Variants in DAB1 observed in about 807,000 individuals in gnomAD.
The protein encoded by DAB1 is DAB adaptor protein 1, also known as disabled homolog 1.
A neutral mutation model predicts 64.6 loss-of-function variants in DAB1; 15 were observed. The ratio of observed to expected loss-of-function variants is 0.23; its 90% CI spans 0.16 to 0.36. The LOEUF (loss-of-function observed/expected upper bound fraction) is 0.36. DAB1 is among the 10% of genes least tolerant of loss of function. The pLI is 1.00. For missense variants in DAB1, 596 were observed against 706.7 expected (o/e 0.84, Z 1.78); for synonymous variants, 235 against 251.9 (o/e 0.93, Z 0.64).
At chr1:57,087,436 T>A (rs905697680) in intron 4 of DAB1, among the ~76,000 whole-genome samples, 26 of 152,194 alleles carry the variant, frequency 1.7e-4, no homozygotes, top group Admixed American at 1.4e-3. Context: ...AGAAGTACAC[T>A]GTAAGGCACA....
At chr1:57,189,775 C>A (rs1248874907) in intron 2 of DAB1, among the ~76,000 whole-genome samples, 1 of 151,788 alleles carries the variant, frequency 6.6e-6, no homozygotes, top group African/African-American at 2.4e-5. Flanking sequence ...GGCAGGCTTG[C>A]CCCAAACTCG....
intron 4 of DAB1, among the ~76,000 whole-genome samples, chr1:58,167,416 A>G (rs1655908904): frequency 6.6e-6 from 1 of 152,056 alleles, no homozygotes; most frequent in East Asian, 1.9e-4. Context: ...TAAATGCACC[A>G]ATCAGCACTC....
At chr1:57,106,448 G>T (rs473562) in intron 4 of DAB1, among the ~76,000 whole-genome samples, 80,560 of 151,886 alleles carry the variant, frequency 0.53, 21,809 homozygotes, top group Middle Eastern at 0.73. Context: ...GGGGTGCACA[G>T]CTCTTTTATA....
At chr1:57,641,906 G>A (rs991573638) in intron 7 of DAB1, among the ~76,000 whole-genome samples, 1 of 152,102 alleles carries the variant, frequency 6.6e-6, no homozygotes, top group Non-Finnish European at 1.5e-5. Context: ...GGGAAGTTGT[G>A]AGCAGTTCAC....
chr1:58,298,903 C>T (rs1662052544), intron 4 of DAB1, among the ~76,000 whole-genome samples: 1 of 152,192 alleles, frequency 6.6e-6, no homozygotes, highest in African/African-American at 2.4e-5. Flanking sequence ...AAGTATGTTA[C>T]TACGTCTATT....
At chr1:58,001,977 C>T (rs182173413) in intron 5 of DAB1, among the ~76,000 whole-genome samples, 1 of 152,226 alleles carries the variant, frequency 6.6e-6, no homozygotes, top group Admixed American at 6.5e-5. Context: ...ACGATGTGGT[C>T]ACAAGCCCCA....
Position 57,160,345 on chromosome 1 carries a change from T to C in DAB1, c.68-14916A>G, listed in dbSNP as rs550582110. On this transcript the variant is annotated intron_variant, in intron 2 of 14. Transcript: ENST00000371236. ...AATCCCTTCTTATAGTTGAGGAAAT[T>C]GAGACTCCAGGAGATAAAGACTGGC... Among the ~76,000 whole-genome samples, 4 of 152,220 alleles carry C rather than the reference T, an allele frequency of 2.6e-5. No homozygotes were observed. The South Asian group carries it at 8.3e-4, about 32-fold the overall frequency.
chr1:57,952,199 A>C lies in DAB1; in HGVS notation n.388-68037T>G, dbSNP rs191246712. ...GTGACAAGAAGCACTGTTGTGGATC[A>C]CTTCTCAAAATGAATTTACTTGTTC... is the stretch of plus-strand genomic sequence containing the variant. On this transcript the variant is annotated intron_variant and non_coding_transcript_variant, in intron 5 of 20. Coordinates refer to the DAB1 transcript ENST00000485760. 1.4e-3 allele frequency among the ~76,000 whole-genome samples: 212 copies of C among 152,186 alleles called. 2 individuals carry two copies. Among genetic ancestry groups the C allele is most frequent in the Non-Finnish European group, 2.0e-3 (134 of 67,998 alleles).
chr1:58,544,664 G>A (rs567327952), intron 1 of DAB1, among the ~76,000 whole-genome samples: 21 of 152,216 alleles, frequency 1.4e-4, no homozygotes, highest in African/African-American at 4.6e-4. Context: ...GTGCCACCTC[G>A]GCTCACTGCA....
intron 5 of DAB1, among the ~76,000 whole-genome samples, chr1:58,084,931 A>G (rs1270143181): frequency 6.6e-6 from 1 of 152,144 alleles, no homozygotes; most frequent in Non-Finnish European, 1.5e-5. Context: ...AACCACATAC[A>G]TTTAAAGGCC....
chr1:57,934,715 T>C (rs1277963602), intron 5 of DAB1, among the ~76,000 whole-genome samples: 1 of 152,196 alleles, frequency 6.6e-6, no homozygotes, highest in Non-Finnish European at 1.5e-5. Context: ...TCATTCTAAC[T>C]CTGAGGCTCG....
chr1:58,136,919 A>C (rs1372525062), intron 5 of DAB1, among the ~76,000 whole-genome samples: 1 of 152,178 alleles, frequency 6.6e-6, no homozygotes, highest in East Asian at 1.9e-4. Context: ...TGAGTTTTCC[A>C]CTAAGACTTC....
chr1:58,004,629 C>T lies in DAB1; in HGVS notation n.388-120467G>A, dbSNP rs531782931. ...GCCTCAGTTTCTCCATCTGTGAATG[C>T]ATAGAATGTCCTTGGTAGAGTTGTT... is the stretch of plus-strand genomic sequence containing the variant. On this transcript the variant is annotated intron_variant and non_coding_transcript_variant, in intron 5 of 20. Coordinates refer to the DAB1 transcript ENST00000485760. Among the ~76,000 whole-genome samples the T allele has an allele frequency of 1.2e-4, 18 of 152,302 alleles. No individual in the cohort carries two copies. In the East Asian group the frequency reaches 3.5e-3, roughly 29 times the overall value.
rs536053147 is a variant in DAB1, at chr1:57,691,475, C to G, written n.552-41810G>C. ...ACAGCAGCGGCAACCTGCTAAGGTC[C>G]CCTTCCATGCTGTGGAAGCTTTATT... On this transcript the variant is annotated intron_variant and non_coding_transcript_variant, in intron 6 of 20. Coordinates refer to the DAB1 transcript ENST00000485760. Among the ~76,000 whole-genome samples the G allele has an allele frequency of 5.3e-5, 8 of 151,950 alleles. No homozygotes were observed. In the South Asian group the frequency reaches 1.5e-3, roughly 28 times the overall value.
intron 2 of DAB1, among the ~76,000 whole-genome samples, chr1:58,525,298 T>C (rs2100461419): frequency 6.6e-6 from 1 of 152,206 alleles, no homozygotes; most frequent in African/African-American, 2.4e-5. Context: ...CCTTCCAATA[T>C]ATTTATTGAA....
chr1:57,747,807 CAAAAAAAAAAAAAAA>C (rs373640023), intron 6 of DAB1, among the ~76,000 whole-genome samples: 8 of 43,960 alleles, frequency 1.8e-4, no homozygotes, highest in South Asian at 2.1e-3. Context: ...GGACTCTGTC[CAAAAAAAAAAAAAAA>C]AAAAAAAAAA....
intron 5 of DAB1, among the ~76,000 whole-genome samples, chr1:58,076,134 T>C (rs1339160299): frequency 6.6e-6 from 1 of 152,152 alleles, no homozygotes; most frequent in Non-Finnish European, 1.5e-5. Flanking sequence ...AGTTGATATA[T>C]AATAATAGTA....
chr1:58,527,782 T>C (rs915763134), intron 1 of DAB1, among the ~76,000 whole-genome samples: 1 of 152,232 alleles, frequency 6.6e-6, no homozygotes, highest in African/African-American at 2.4e-5. Flanking sequence ...AAATTAACCA[T>C]ATAGCAGAAT....
intron 2 of DAB1, among the ~76,000 whole-genome samples, chr1:57,221,276 T>C (rs892982396): frequency 2.0e-5 from 3 of 152,136 alleles, no homozygotes; most frequent in African/African-American, 7.2e-5. Context: ...AGGGATAGCA[T>C]TAGGAGATAT....
Sources: gnomAD v4.1 joint callset for allele counts (sites outside exome capture counted in the v4.1 genomes callset) on GRCh38, gnomAD v4.1.1 for gene constraint, MANE v1.5 for transcripts, NCBI Gene and HGNC (gene_info 2026-07-23, HGNC 2026-07-21) for gene names.